The following PCNX2 variants were observed in gnomAD, a reference collection of about 807,000 sequenced individuals.
PCNX2 encodes the protein pecanex 2, also known as pecanex-like protein 2.
A neutral mutation model predicts 223.8 loss-of-function variants in PCNX2; 168 were observed. The ratio of observed to expected loss-of-function variants is 0.75; its 90% CI spans 0.66 to 0.85. The LOEUF (loss-of-function observed/expected upper bound fraction) is 0.85. Ranked by LOEUF, PCNX2 falls within the 40% of genes least tolerant of loss-of-function variation. The pLI is 0.00. For missense variants in PCNX2, 2,507 were observed against 2,675.5 expected, an observed-to-expected ratio of 0.94 and a Z score of 1.39; for synonymous variants, 1,006 against 1,052.6, an observed-to-expected ratio of 0.96 and a Z score of 0.86.
At chr1:233,249,137 T>C (rs1399651528) in intron 8 of PCNX2, among the ~76,000 whole-genome samples, 1 of 152,244 alleles carries the variant, frequency 6.6e-6, no homozygotes, top group African/African-American at 2.4e-5. Flanking sequence ...ACTTGGATAC[T>C]ATAAATTTTC....
chr1:233,160,216 G>A, intron 19 of PCNX2, 67 bp downstream of exon 19: 1 of 1,506,860 alleles, frequency 6.6e-7, no homozygotes, highest in Non-Finnish European at 9.1e-7. Flanking sequence ...TGTTGCACAT[G>A]CTCTCCGGTT....
At chr1:233,316,128 C>T in the PCNX2 span, among the ~76,000 whole-genome samples, 2 of 152,148 alleles carry the variant, frequency 1.3e-5, no homozygotes, top group African/African-American at 4.8e-5. Context: ...TCCATTTCAG[C>T]GGCCCTTGCT....
chr1:233,122,673 G>A lies in PCNX2; in HGVS notation c.3837+12340C>T, dbSNP rs376396023. Among the ~76,000 whole-genome samples the A allele has an allele frequency of 1.3e-4, 20 of 151,978 alleles. 1 individual carries two copies. The East Asian group carries it at 2.9e-3, about 22-fold the overall frequency. On this transcript the variant is annotated intron_variant, in intron 21 of 33. Coordinates refer to ENST00000258229, the MANE Select transcript of PCNX2 (RefSeq NM_014801.4). ...CAAGTAGCTGGGATTACAGGTGGCC[G>A]CCACCATGCCTGGCTAATTTTTTGT...
At position 233,024,237 on chromosome 1, in the gene PCNX2, ATT is replaced by A. The variant is rs1205197506; in HGVS notation, c.4605+907_4605+908del. Among the ~76,000 whole-genome samples, 4 of 152,238 alleles carry A rather than the reference ATT, an allele frequency of 2.6e-5. 1 individual carries two copies. Among genetic ancestry groups the A allele is most frequent in the African/African-American group, 9.6e-5 (4 of 41,536 alleles). On this transcript the variant is annotated intron_variant, in intron 26 of 33. Transcript: ENST00000258229. The stretch of plus-strand genomic sequence containing the variant: ...GATTTATTCCAAATTTCTCAATGCC[ATT>A]TGTTTGTTAGCTGGTTAAAACTTTA...
Position 233,252,513 on chromosome 1 carries a change from A to C in PCNX2, c.1983-14T>G. ...TTGCCCTGAAAACTTAACACATATA[A>C]AAGTTTCAAAAAAAATGATTAGAAG... On this transcript the variant is annotated splice_polypyrimidine_tract_variant and intron_variant, in intron 6 of 33. Transcript: ENST00000258229. 6.3e-7 allele frequency: 1 copy of C among 1,590,114 alleles called. No homozygotes were observed. Among genetic ancestry groups the C allele is most frequent in the South Asian group, 1.1e-5 (1 of 88,202 alleles).
Position 232,996,960 on chromosome 1 carries a change from G to A in PCNX2, c.5791+1291C>T, listed in dbSNP as rs1163548329. Among the ~76,000 whole-genome samples, 6 of 148,522 alleles carry A rather than the reference G, an allele frequency of 4.0e-5. No individual in the cohort carries two copies. The South Asian group carries it at 1.1e-3, about 26-fold the overall frequency. Reference sequence around the variant, plus strand: ...ACTTTATGTAAAAATGCAGATCTGCGGAGCTGGACATGAATGTACAATTGA... The same window carrying A: ...ACTTTATGTAAAAATGCAGATCTGCAGAGCTGGACATGAATGTACAATTGA... On this transcript the variant is annotated intron_variant, in intron 32 of 33. Transcript: ENST00000258229.
Position 232,998,394 on chromosome 1 carries a change from A to G in PCNX2, c.5648T>C (p.Ile1883Thr), listed in dbSNP as rs769060612. 12 of 1,612,880 alleles carry G rather than the reference A, an allele frequency of 7.4e-6. No individual in the cohort carries two copies. In the South Asian group the frequency reaches 8.8e-5, roughly 12 times the overall value. ...GGCCCCTCCTCCGTCCACGTCTTCAATGTTGCCGCCACTGTGCTGGCGGGC... is the reference window on the plus strand; with the variant it reads ...GGCCCCTCCTCCGTCCACGTCTTCAGTGTTGCCGCCACTGTGCTGGCGGGC... Reference protein sequence around the residue: ...CNARQHSGGNIEDVDGGGAPT... With the variant: ...CNARQHSGGNTEDVDGGGAPT... Residue 1883 changes from isoleucine to threonine, a missense_variant, in exon 32 of 34, where the codon ATT becomes ACT. By Grantham distance (89) the Ile-to-Thr change is moderately conservative. Transcript: ENST00000258229.
intron 25 of PCNX2, among the ~76,000 whole-genome samples, chr1:233,034,232 CAAG>C (rs978796425): frequency 2.0e-5 from 3 of 151,962 alleles, no homozygotes; most frequent in African/African-American, 7.2e-5. Context: ...AACAAAGAAA[CAAG>C]AAGTTGGGGC....
At chr1:233,140,641 C>A (rs868685856) in intron 19 of PCNX2, among the ~76,000 whole-genome samples, 1 of 152,222 alleles carries the variant, frequency 6.6e-6, no homozygotes, top group East Asian at 1.9e-4. Context: ...TGCATGCTTG[C>A]CCATCTGGGG....
chr1:233,124,207 T>C lies in PCNX2; in HGVS notation c.3837+10806A>G, dbSNP rs558298766. ...ATTTTCCATAGAAAGCTGTAGACAA[T>C]TTAAGTTTTATCAGAGCAGATGTAC... is the stretch of plus-strand genomic sequence containing the variant. On this transcript the variant is annotated intron_variant, in intron 21 of 33. Coordinates refer to ENST00000258229, the MANE Select transcript of PCNX2 (RefSeq NM_014801.4). Among the ~76,000 whole-genome samples the C allele has an allele frequency of 7.2e-4, 110 of 152,292 alleles. 2 individuals are homozygous for C. The highest frequency in any genetic ancestry group is 2.5e-3 in the African/African-American group (104 of 41,562).
intron 19 of PCNX2, among the ~76,000 whole-genome samples, chr1:233,141,875 T>C (rs1021494651): frequency 1.3e-5 from 2 of 151,844 alleles, no homozygotes; most frequent in Non-Finnish European, 2.9e-5. Flanking sequence ...ATGGTGAGAA[T>C]AGACAGCGTG....
At chr1:233,077,696 C>T (rs1202655787) in intron 23 of PCNX2, among the ~76,000 whole-genome samples, 1 of 152,046 alleles carries the variant, frequency 6.6e-6, no homozygotes, top group Non-Finnish European at 1.5e-5. Flanking sequence ...TTAGAAAGCA[C>T]CCTACTAAGA....
intron 12 of PCNX2, among the ~76,000 whole-genome samples, chr1:233,217,281 T>C (rs1374931836): frequency 6.6e-6 from 1 of 152,198 alleles, no homozygotes; most frequent in Non-Finnish European, 1.5e-5. Flanking sequence ...GATTTAATAA[T>C]TCTACAATGT....
At chr1:233,076,255 G>A (rs1214647985) in intron 23 of PCNX2, among the ~76,000 whole-genome samples, 1 of 152,098 alleles carries the variant, frequency 6.6e-6, no homozygotes, top group East Asian at 1.9e-4. Context: ...CTTCTCCTGG[G>A]GATGAAGACA....
chr1:233,214,755 T>C (rs1164055265), intron 12 of PCNX2, among the ~76,000 whole-genome samples: 3 of 152,204 alleles, frequency 2.0e-5, no homozygotes, highest in Non-Finnish European at 4.4e-5. Flanking sequence ...ACTCCTAATC[T>C]TTCTAAGCTC....
chr1:233,244,656 A>G (rs1189019392), intron 8 of PCNX2, among the ~76,000 whole-genome samples: 1 of 152,126 alleles, frequency 6.6e-6, no homozygotes, highest in Non-Finnish European at 1.5e-5. Flanking sequence ...AGTTGTGGTG[A>G]GCCGAGATCA....
At chr1:233,252,607 C>A in intron 6 of PCNX2, 34 bp downstream of exon 6, 1 of 1,601,530 alleles carries the variant, frequency 6.2e-7, no homozygotes, top group Non-Finnish European at 8.5e-7. Flanking sequence ...TGCTTTATGA[C>A]CAAGTGAAAC....
chr1:233,246,757 C>A (rs1453897919), intron 8 of PCNX2, among the ~76,000 whole-genome samples: 1 of 152,148 alleles, frequency 6.6e-6, no homozygotes, highest in Non-Finnish European at 1.5e-5. Context: ...TGGTTCCATT[C>A]TTTACCTTTA....
intron 17 of PCNX2, among the ~76,000 whole-genome samples, chr1:233,170,980 G>A (rs768994832): frequency 3.3e-5 from 5 of 152,298 alleles, no homozygotes; most frequent in South Asian, 4.1e-4. Context: ...TGTGCGTCAC[G>A]TTGGTGCTCA....
Sources: allele counts gnomAD v4.1 joint callset (sites outside exome capture counted in the v4.1 genomes callset), GRCh38; gene constraint gnomAD v4.1.1; transcripts MANE v1.5; gene names NCBI Gene and HGNC (gene_info 2026-07-23, HGNC 2026-07-21).